PTPN2: variants seen among roughly 807,000 people sequenced by gnomAD.
PTPN2 encodes the protein protein tyrosine phosphatase non-receptor type 2.
Under a neutral mutation model 57.3 loss-of-function variants are expected in PTPN2, and 19 were observed. That is an observed-to-expected ratio of 0.33 (90% CI 0.23 to 0.49). The LOEUF is 0.49. PTPN2 is among the 20% of genes least tolerant of loss of function. The pLI is 0.99. For synonymous variants in PTPN2, 153 were observed against 164.9 expected, an observed-to-expected ratio of 0.93 and a Z score of 0.55; for missense variants, 358 against 501.1, an observed-to-expected ratio of 0.71 and a Z score of 2.73.
At position 12,861,201 on chromosome 18, in the gene PTPN2, A is replaced by G. The variant is rs559725959; in HGVS notation, c.70-1947T>C. Among the ~76,000 whole-genome samples, 29 of 152,262 alleles carry G rather than the reference A, an allele frequency of 1.9e-4. No homozygotes were observed. In the South Asian group the frequency reaches 6.0e-3, roughly 32 times the overall value. On this transcript the variant is annotated intron_variant, in intron 1 of 8. Coordinates refer to ENST00000309660, the MANE Select transcript of PTPN2 (RefSeq NM_002828.4). The stretch of plus-strand genomic sequence containing the variant: ...CAAATTTCTAATATGAAACTTCTCC[A>G]TTTTTCTGGAAGTGAATGGACTGGT...
chr18:12,831,998 A>G (rs1598810066), intron 3 of PTPN2, among the ~76,000 whole-genome samples: 1 of 152,364 alleles, frequency 6.6e-6, no homozygotes, highest in East Asian at 1.9e-4. Flanking sequence ...ATGAACATGC[A>G]TTCAACTCAC....
intron 1 of PTPN2, among the ~76,000 whole-genome samples, chr18:12,868,874 G>A (rs1483883454): frequency 1.3e-5 from 2 of 152,014 alleles, no homozygotes. Context: ...TTAAGGCTGG[G>A]TGCGGTGGCT....
At position 12,793,424 on chromosome 18, in the gene PTPN2, A is replaced by G; in HGVS notation, c.*854T>C. ...TGAAATTTTCATGAAAAATAAACAT[A>G]TCAATAATGGGATTTACAGAAACCA... On this transcript the variant is annotated 3_prime_UTR_variant, in exon 9 of 9. Coordinates refer to ENST00000309660, the MANE Select transcript of PTPN2 (RefSeq NM_002828.4). 1 of 979,144 alleles carries G rather than the reference A, an allele frequency of 1.0e-6. No individual in the cohort carries two copies. Among genetic ancestry groups the G allele is most frequent in the Non-Finnish European group, 1.2e-6 (1 of 823,692 alleles). 60.7% of individuals were successfully genotyped at this position (979,144 alleles called of 1,614,324 possible).
chr18:12,796,169 G>C lies in PTPN2; in HGVS notation c.1041-1684C>G, dbSNP rs149935948. 1.2e-4 allele frequency among the ~76,000 whole-genome samples: 18 copies of C among 152,270 alleles called. No homozygotes were observed. The East Asian group carries it at 3.5e-3, about 29-fold the overall frequency. ...GTCAAGCAAGGAAGAAAAAGGCAGG[G>C]AACAGTTCCAGATTAAAGGAGACCA... On this transcript the variant is annotated intron_variant, in intron 8 of 8. Coordinates refer to ENST00000309660, the MANE Select transcript of PTPN2 (RefSeq NM_002828.4).
chr18:12,786,578 T>A (rs1372811127), intron 9 of PTPN2: 1 of 152,208 alleles, frequency 6.6e-6, no homozygotes, highest in African/African-American at 2.4e-5. Flanking sequence ...CCTCCCAAAC[T>A]TTGCAAGTAA....
chr18:12,795,421 G>A (rs60751993), intron 8 of PTPN2, among the ~76,000 whole-genome samples: 18,860 of 152,132 alleles, frequency 0.12, 1,396 homozygotes, highest in South Asian at 0.19. Context: ...AGCCTCCCAA[G>A]TAGCTGGGAT....
intron 3 of PTPN2, 114 bp from the exon 4 acceptor site, chr18:12,831,155 C>A: frequency 1.6e-6 from 1 of 611,160 alleles, no homozygotes; most frequent in South Asian, 2.3e-5. Context: ...AGCGGACGGG[C>A]TTATAAGAAG....
intron 7 of PTPN2, among the ~76,000 whole-genome samples, chr18:12,810,087 T>C (rs2041838672): frequency 1.3e-5 from 2 of 151,820 alleles, no homozygotes; most frequent in South Asian, 4.2e-4. Flanking sequence ...GAGGCTGAGG[T>C]AGAAGAATTG....
intron 2 of PTPN2, among the ~76,000 whole-genome samples, chr18:12,851,738 A>C (rs778437085): frequency 1.3e-5 from 2 of 152,212 alleles, no homozygotes; most frequent in Non-Finnish European, 2.9e-5. Flanking sequence ...AAAGCATAGA[A>C]GTTTTCCCTT....
intron 6 of PTPN2, among the ~76,000 whole-genome samples, chr18:12,815,850 C>T (rs2042057652): frequency 6.6e-6 from 1 of 152,130 alleles, no homozygotes; most frequent in African/African-American, 2.4e-5. Context: ...TGTGTGTTTA[C>T]AATGAAAAGC....
intron 8 of PTPN2, among the ~76,000 whole-genome samples, chr18:12,800,420 TAACTTAA>T (rs1027038397): frequency 4.6e-5 from 7 of 152,064 alleles, no homozygotes; most frequent in African/African-American, 1.7e-4. Context: ...AAAGCTAAGG[TAACTTAA>T]AACTATTATT....
At chr18:12,814,471 A>G in intron 6 of PTPN2, 116 bp from the exon 7 acceptor site, 1 of 839,568 alleles carries the variant, frequency 1.2e-6, no homozygotes, top group Non-Finnish European at 1.8e-6. Context: ...AAGAACAACG[A>G]TAATTTAACC....
chr18:12,842,647 T>A (rs990299573), intron 2 of PTPN2, among the ~76,000 whole-genome samples: 1 of 152,174 alleles, frequency 6.6e-6, no homozygotes, highest in Admixed American at 6.5e-5. Flanking sequence ...ACATGAAGAA[T>A]GTGGCTGGAG....
intron 2 of PTPN2, among the ~76,000 whole-genome samples, chr18:12,851,828 G>A (rs914019910): frequency 6.6e-6 from 1 of 152,106 alleles, no homozygotes; most frequent in African/African-American, 2.4e-5. Context: ...ACAAACCATG[G>A]ACTATGTAAC....
intron 2 of PTPN2, among the ~76,000 whole-genome samples, chr18:12,838,135 G>GA (rs1555671861): frequency 2.0e-5 from 3 of 152,208 alleles, no homozygotes; most frequent in Admixed American, 6.5e-5. Context: ...CCTGGTTTTA[G>GA]AAAACTACAT....
At position 12,817,155 on chromosome 18, in the gene PTPN2, C is replaced by A; in HGVS notation, c.705+1G>T. ...AAAATGAGATCGTAAGAAGCACTTA[C>A]CAAAACAAGACAAGTGTCTACCAGA... On this transcript the variant is annotated splice_donor_variant, in intron 6 of 8. Transcript: ENST00000309660. LOFTEE classifies it high-confidence loss of function. 1 of 1,609,980 alleles carries A rather than the reference C, an allele frequency of 6.2e-7. No individual in the cohort carries two copies. The highest frequency in any genetic ancestry group is 8.5e-7 in the Non-Finnish European group (1 of 1,178,720).
chr18:12,850,984 C>T (rs1030438871), intron 2 of PTPN2, among the ~76,000 whole-genome samples: 6 of 152,108 alleles, frequency 3.9e-5, no homozygotes, highest in African/African-American at 1.4e-4. Context: ...AGGTGATCCA[C>T]CCACCTAGGC....
At chr18:12,796,372 T>C (rs1341685267) in intron 8 of PTPN2, among the ~76,000 whole-genome samples, 2 of 152,210 alleles carry the variant, frequency 1.3e-5, no homozygotes, top group East Asian at 1.9e-4. Context: ...GTAAACTTTA[T>C]GCTATATAAA....
rs200519782 is a variant in PTPN2, at chr18:12,844,658, CT to C, written c.161-7768del. ...TCTATATATAGTCCAGATCTAAGTTCTTTGTCAGATATGTGGTTTACATTTT... is the reference window on the plus strand; with the variant it reads ...TCTATATATAGTCCAGATCTAAGTTCTTGTCAGATATGTGGTTTACATTTT... On this transcript the variant is annotated intron_variant, in intron 2 of 8. Transcript: ENST00000309660. 5.0e-3 allele frequency among the ~76,000 whole-genome samples: 761 copies of C among 152,260 alleles called. 16 individuals carry two copies. In the East Asian group the frequency reaches 0.057, roughly 11 times the overall value.
Sources: allele counts gnomAD v4.1 joint callset (sites outside exome capture counted in the v4.1 genomes callset), GRCh38; gene constraint gnomAD v4.1.1; transcripts MANE v1.5; gene names NCBI Gene and HGNC (gene_info 2026-07-23, HGNC 2026-07-21).